RASSF4: variants seen among roughly 807,000 people sequenced by gnomAD.
The protein encoded by RASSF4 is ras association domain-containing protein 4.
In RASSF4, 38 loss-of-function variants were observed where a neutral mutation model predicts 41.1. The ratio of observed to expected loss-of-function variants is 0.92; its 90% CI spans 0.71 to 1.21. The LOEUF (loss-of-function observed/expected upper bound fraction) is 1.21, where lower values mean the gene tolerates loss of function less well. RASSF4 is among the 50% of genes most tolerant of loss of function. The pLI, the probability that RASSF4 is intolerant of heterozygous loss-of-function variation, is 0.00. For synonymous variants in RASSF4, 179 were observed against 163.4 expected (o/e 1.10, Z -0.73); for missense variants, 414 against 419.4 (o/e 0.99, Z 0.11).
chr10:44,983,041 C>T (rs1245293496), intron 4 of RASSF4: 1 of 475,830 alleles, frequency 2.1e-6, no homozygotes, highest in African/African-American at 2.0e-5. Flanking sequence ...ACTCTGTTTT[C>T]ATTTTAATGT....
chr10:44,971,475 G>C (rs977615409), intron 2 of RASSF4: 1 of 587,342 alleles, frequency 1.7e-6, no homozygotes, highest in Non-Finnish European at 3.2e-6. Context: ...GGCTGCCAGG[G>C]CCTTACCTGT....
chr10:44,969,108 T>TTTTG (rs759153556), intron 1 of RASSF4, among the ~76,000 whole-genome samples: 2 of 149,628 alleles, frequency 1.3e-5, no homozygotes, highest in East Asian at 3.9e-4. Flanking sequence ...GCGTGTGTTT[T>TTTTG]TGTGTGTGTG....
At chr10:44,984,593 A>C in intron 5 of RASSF4, 3 of 596,380 alleles carry the variant, frequency 5.0e-6, no homozygotes, top group East Asian at 2.8e-5. Flanking sequence ...CAAGAGGGGT[A>C]TGGCCATGTG....
chr10:44,963,944 A>G lies in RASSF4; in HGVS notation c.-39+4078A>G, dbSNP rs1374112166. On this transcript the variant is annotated intron_variant, in intron 1 of 10. Transcript: ENST00000340258. ...AAATAAAAGGCTTTCAAGTGGACTC[A>G]ATTTCGTGTCACGAAAGCCTCACTT... Among the ~76,000 whole-genome samples, 6 of 152,346 alleles carry G rather than the reference A, an allele frequency of 3.9e-5. No homozygotes were observed. The South Asian group carries it at 1.0e-3, about 26-fold the overall frequency.
At chr10:44,981,155 G>T (rs1004524968) in intron 3 of RASSF4, 1 of 152,110 alleles carries the variant, frequency 6.6e-6, no homozygotes, top group Non-Finnish European at 1.5e-5. Context: ...AAGTTTCCAT[G>T]GCGTCCCTGT....
intron 2 of RASSF4, 155 bp downstream of exon 2, chr10:44,970,419 T>A (rs866561846): frequency 4.8e-6 from 3 of 623,974 alleles, no homozygotes; most frequent in Non-Finnish European, 8.6e-6. Context: ...TTTGAGCCTG[T>A]CCAATAGGGG....
intron 3 of RASSF4, among the ~76,000 whole-genome samples, chr10:44,979,460 A>T (rs1433954967): frequency 6.6e-6 from 1 of 152,152 alleles, no homozygotes; most frequent in East Asian, 1.9e-4. Context: ...AAGGGAGGAG[A>T]TCAAGCCAGA....
chr10:44,983,590 TGG>T, intron 4 of RASSF4: 1 of 194,844 alleles, frequency 5.1e-6, no homozygotes, highest in Non-Finnish European at 1.1e-5. Flanking sequence ...TACCCTGGCC[TGG>T]GGCTCATCCT....
intron 3 of RASSF4, among the ~76,000 whole-genome samples, chr10:44,975,471 CCCACCCCCACTT>C (rs1477356846): frequency 1.7e-5 from 2 of 120,164 alleles, no homozygotes; most frequent in African/African-American, 6.2e-5. Context: ...ACCTCCCACC[CCCACCCCCACTT>C]CCCTCTCCAT....
chr10:44,970,907 A>G (rs994756679), intron 2 of RASSF4: 2 of 155,826 alleles, frequency 1.3e-5, no homozygotes, highest in Non-Finnish European at 2.8e-5. Flanking sequence ...GTGTGAACTC[A>G]GAGCAAAAGC....
chr10:44,982,446 G>A (rs1841750236), intron 3 of RASSF4, 75 bp from the exon 4 acceptor site: 2 of 1,568,368 alleles, frequency 1.3e-6, no homozygotes, highest in South Asian at 1.1e-5. Flanking sequence ...AGTGTTCAGA[G>A]CATCCCATCC....
At chr10:44,962,705 G>C (rs913915150) in intron 1 of RASSF4, among the ~76,000 whole-genome samples, 3 of 152,236 alleles carry the variant, frequency 2.0e-5, no homozygotes, top group African/African-American at 7.2e-5. Context: ...TAGCTAAGAA[G>C]ATCTTTGTTT....
At chr10:44,963,041 G>A (rs1467472734) in intron 1 of RASSF4, among the ~76,000 whole-genome samples, 1 of 152,182 alleles carries the variant, frequency 6.6e-6, no homozygotes, top group Non-Finnish European at 1.5e-5. Flanking sequence ...CCGCAGCGGG[G>A]AGTAAAGGTG....
intron 6 of RASSF4, among the ~76,000 whole-genome samples, chr10:44,987,906 G>A (rs555631160): frequency 2.0e-5 from 3 of 152,148 alleles, no homozygotes; most frequent in African/African-American, 4.8e-5. Context: ...TGAGATATTC[G>A]CTTCATTGTG....
At chr10:44,991,112 G>A (rs746401688) in intron 9 of RASSF4, 43 bp downstream of exon 9, 1 of 1,565,114 alleles carries the variant, frequency 6.4e-7, no homozygotes, top group South Asian at 1.1e-5. Context: ...CTAGGGTGAG[G>A]GGTTCTTGGG....
intron 4 of RASSF4, chr10:44,983,761 G>A (rs1841809116): frequency 1.9e-6 from 1 of 519,034 alleles, no homozygotes; most frequent in Admixed American, 3.3e-5. Flanking sequence ...ATGTGTCCGT[G>A]TGTCTGTGCG....
intron 10 of RASSF4, among the ~76,000 whole-genome samples, chr10:44,992,968 G>A (rs924184446): frequency 6.6e-6 from 1 of 152,184 alleles, no homozygotes; most frequent in Admixed American, 6.5e-5. Flanking sequence ...GCAGAATCTG[G>A]GCTGAAACAT....
intron 3 of RASSF4, among the ~76,000 whole-genome samples, chr10:44,979,862 TGGGCTG>T (rs1164647835): frequency 6.6e-6 from 1 of 151,846 alleles, no homozygotes; most frequent in Non-Finnish European, 1.5e-5. Context: ...CTGCTGGGAC[TGGGCTG>T]GGGCTGGGGC....
At chr10:44,989,134 T>C (rs1366799969) in intron 6 of RASSF4, 140 bp from the exon 7 acceptor site, 1 of 605,164 alleles carries the variant, frequency 1.7e-6, no homozygotes. Flanking sequence ...GAACAGCTTA[T>C]GTGTGCATCA....
Sources: gnomAD v4.1 joint callset for allele counts (sites outside exome capture counted in the v4.1 genomes callset) on GRCh38, gnomAD v4.1.1 for gene constraint, MANE v1.5 for transcripts, NCBI Gene and HGNC (gene_info 2026-07-23, HGNC 2026-07-21) for gene names.